The following NAA38 variants were observed in gnomAD, a reference collection of about 807,000 sequenced individuals.
NAA38 encodes the protein LSM domain containing 1.
NAA38 carries 15 observed loss-of-function variants against 12.6 expected under a neutral mutation model. That is an observed-to-expected ratio of 1.19 (90% CI 0.79 to 1.83). NAA38 has a LOEUF of 1.83. NAA38 is among the 40% of genes most tolerant of loss of function. NAA38 has a pLI of 0.00. For synonymous variants in NAA38, 88 were observed against 69.9 expected, an observed-to-expected ratio of 1.26 and a Z score of -1.29; for missense variants, 183 against 171.7, an observed-to-expected ratio of 1.07 and a Z score of -0.37.
At chr17:7,877,070 C>T (rs1227429456) in intron 2 of NAA38, 1 of 384,176 alleles carries the variant, frequency 2.6e-6, no homozygotes, top group Non-Finnish European at 5.2e-6. Flanking sequence ...ACCAGAGATT[C>T]ATGAGGAATT....
At chr17:7,883,269 T>A (rs1420275089) in exon 2 of NAA38, 1 of 152,212 alleles carries the variant, frequency 6.6e-6, no homozygotes, top group Non-Finnish European at 1.5e-5. Flanking sequence ...CCTTTCTCTT[T>A]CACGGTACCT....
At chr17:7,860,229 C>T (rs974539732), upstream of NAA38, 4 of 152,788 alleles carry the variant, frequency 2.6e-5, no homozygotes, top group African/African-American at 7.3e-5. Flanking sequence ...TCATGGCTCA[C>T]TGCAGCCTGG....
At chr17:7,868,644 A>G (rs932891559) in intron 2 of NAA38, among the ~76,000 whole-genome samples, 4 of 152,206 alleles carry the variant, frequency 2.6e-5, no homozygotes, top group African/African-American at 9.7e-5. Flanking sequence ...GAACCTGCCC[A>G]GCACTATAAA....
At chr17:7,872,884 C>G (rs147187855) in intron 2 of NAA38, among the ~76,000 whole-genome samples, 7 of 152,072 alleles carry the variant, frequency 4.6e-5, no homozygotes, top group Admixed American at 1.3e-4. Flanking sequence ...TGTGCCTGGC[C>G]GTGTGCTAGA....
chr17:7,878,301 T>C (rs1432882155), intron 2 of NAA38, among the ~76,000 whole-genome samples: 1 of 152,054 alleles, frequency 6.6e-6, no homozygotes, highest in Non-Finnish European at 1.5e-5. Flanking sequence ...GGACTGAAGT[T>C]TCCTCCTTGA....
At chr17:7,862,323 G>A (rs1235411401), upstream of NAA38, 1 of 152,146 alleles carries the variant, frequency 6.6e-6, no homozygotes, top group Non-Finnish European at 1.5e-5. Flanking sequence ...TGGGGGGGAT[G>A]TTGTGTCCTA....
chr17:7,880,399 A>G (rs1211247216), intron 2 of NAA38, among the ~76,000 whole-genome samples: 1 of 152,224 alleles, frequency 6.6e-6, no homozygotes, highest in African/African-American at 2.4e-5. Flanking sequence ...AGAACAGTGC[A>G]TTGTGTGTAG....
Position 7,856,912 on chromosome 17 carries a change from C to A in NAA38, c.266-69G>T. On this transcript the variant is annotated intron_variant, in intron 2 of 2. Transcript: ENST00000575771. ...GTCCCGCCCCTCTGAGCCACGAAAA[C>A]GAGCCCCAGAAAACAAGGGTTGCAG... 4.4e-6 allele frequency: 7 copies of A among 1,592,572 alleles called. No individual in the cohort carries two copies. The South Asian group carries it at 4.5e-5, about 10-fold the overall frequency.
At chr17:7,858,340 C>G (rs752993340), upstream of NAA38, 1 of 1,613,994 alleles carries the variant, frequency 6.2e-7, no homozygotes, top group East Asian at 2.2e-5. Flanking sequence ...TGTGTGTGCA[C>G]GCGCGCGTTT....
At chr17:7,868,258 G>C (rs944306424) in intron 2 of NAA38, among the ~76,000 whole-genome samples, 3 of 152,206 alleles carry the variant, frequency 2.0e-5, no homozygotes, top group African/African-American at 4.8e-5. Flanking sequence ...AGAAGCCAAA[G>C]AGAGAGCACA....
At chr17:7,881,862 T>C (rs969659631) in intron 2 of NAA38, among the ~76,000 whole-genome samples, 2 of 134,002 alleles carry the variant, frequency 1.5e-5, no homozygotes, top group African/African-American at 5.7e-5. Context: ...AGAGAGAGAG[T>C]GGTGGGCAAA....
upstream of NAA38, chr17:7,858,074 G>T: frequency 6.2e-7 from 1 of 1,601,456 alleles, no homozygotes; most frequent in South Asian, 1.1e-5. Context: ...TAGTAGTAGT[G>T]AGTACGTGCT....
intron 1 of NAA38, among the ~76,000 whole-genome samples, chr17:7,884,629 G>A (rs906143615): frequency 1.1e-3 from 154 of 144,154 alleles, no homozygotes; most frequent in African/African-American, 3.7e-3. Flanking sequence ...TGGGGGTTTC[G>A]GAGGGGGGTG....
intron 2 of NAA38, among the ~76,000 whole-genome samples, chr17:7,881,760 T>C (rs1967276231): frequency 6.8e-6 from 1 of 147,004 alleles, no homozygotes. Context: ...CAAACCAAGA[T>C]GGGGAGCCGT....
At chr17:7,870,779 C>T (rs545198079) in intron 2 of NAA38, among the ~76,000 whole-genome samples, 2 of 151,088 alleles carry the variant, frequency 1.3e-5, no homozygotes, top group African/African-American at 2.4e-5. Context: ...CCCAGCTACT[C>T]GGGAGGCTGA....
upstream of NAA38, chr17:7,857,624 C>A: frequency 7.3e-7 from 1 of 1,362,488 alleles, no homozygotes. Context: ...CGAGCTTCTC[C>A]TACTTCTCTA....
intron 1 of NAA38, chr17:7,884,699 G>T: frequency 3.5e-6 from 1 of 286,740 alleles, no homozygotes; most frequent in Non-Finnish European, 5.9e-6. Flanking sequence ...CGCCGCCGAG[G>T]AGGAGGAGGA....
chr17:7,865,781 C>G (rs765297732), intron 3 of NAA38: 2 of 152,168 alleles, frequency 1.3e-5, no homozygotes, highest in African/African-American at 4.8e-5. Context: ...AGGGGGGTAT[C>G]CAGCCCAGTC....
At chr17:7,856,942 G>T (rs778493992) in intron 2 of NAA38, 73 bp downstream of exon 2, 502 of 1,587,222 alleles carry the variant, frequency 3.2e-4, no homozygotes, top group Non-Finnish European at 4.1e-4. Flanking sequence ...TTGCAGCCAG[G>T]CCCTTAAGGG....
Sources: allele counts gnomAD v4.1 joint callset (sites outside exome capture counted in the v4.1 genomes callset), GRCh38; gene constraint gnomAD v4.1.1; transcripts MANE v1.5; gene names NCBI Gene and HGNC (gene_info 2026-07-23, HGNC 2026-07-21).